The following NOL10 variants were observed in gnomAD, a reference collection of about 807,000 sequenced individuals.
NOL10 encodes H_NH0074G24.1.
In NOL10, 58 loss-of-function variants were observed where a neutral mutation model predicts 103.5. The observed-to-expected ratio is 0.56, with a 90% CI of 0.45 to 0.70. The LOEUF is 0.70. NOL10 is among the 30% of genes least tolerant of loss of function. The pLI is 0.00. For missense variants in NOL10, 763 were observed against 807.3 expected (o/e 0.95, Z 0.67); for synonymous variants, 287 against 282.5 (o/e 1.02, Z -0.16).
chr2:10,676,326 T>C (rs1177574133), intron 3 of NOL10, among the ~76,000 whole-genome samples: 1 of 152,180 alleles, frequency 6.6e-6, no homozygotes, highest in Non-Finnish European at 1.5e-5. Context: ...CTCACAGAAA[T>C]ATATCCACAA....
intron 1 of NOL10, among the ~76,000 whole-genome samples, 157 bp downstream of exon 1, chr2:10,689,639 T>TC (rs1277365543): frequency 6.6e-6 from 1 of 152,134 alleles, no homozygotes; most frequent in Non-Finnish European, 1.5e-5. Context: ...TGCCGACACC[T>TC]CCCCCGGAAA....
At position 10,683,325 on chromosome 2, in the gene NOL10, C is replaced by T. The variant is rs376451050; in HGVS notation, c.112+1242G>A. Among the ~76,000 whole-genome samples the T allele has an allele frequency of 1.3e-3, 203 of 152,224 alleles. 4 individuals carry two copies. The highest frequency in any genetic ancestry group is 4.1e-3 in the African/African-American group (169 of 41,520). ...AATTTTTCTTACAATTTCTTGCTGC[C>T]GTAAATTTAAAAGAACCAACATCTT... On this transcript the variant is annotated intron_variant, in intron 2 of 20. Coordinates refer to ENST00000381685, the MANE Select transcript of NOL10 (RefSeq NM_024894.4).
intron 11 of NOL10, among the ~76,000 whole-genome samples, chr2:10,654,967 T>C (rs1034590422): frequency 2.0e-5 from 3 of 152,038 alleles, no homozygotes; most frequent in Non-Finnish European, 4.4e-5. Context: ...ACCAGCACTT[T>C]GGGAGGCTGA....
At chr2:10,663,806 C>T (rs191689053) in intron 8 of NOL10, among the ~76,000 whole-genome samples, 2 of 151,734 alleles carry the variant, frequency 1.3e-5, no homozygotes, top group East Asian at 2.0e-4. Context: ...AAAAATTAGC[C>T]GGGCATGGTG....
intron 19 of NOL10, among the ~76,000 whole-genome samples, chr2:10,582,017 C>T (rs1490855675): frequency 6.6e-6 from 1 of 152,146 alleles, no homozygotes; most frequent in African/African-American, 2.4e-5. Context: ...TTAAGTGTTA[C>T]AATGATAACA....
chr2:10,584,572 G>C (rs1313002744), intron 19 of NOL10, among the ~76,000 whole-genome samples: 1 of 152,154 alleles, frequency 6.6e-6, no homozygotes, highest in Admixed American at 6.5e-5. Flanking sequence ...ATCTGATGTT[G>C]TCTCTTGTTG....
In NOL10 at chr2:10,597,643, T is replaced by C. The variant is rs545874064; in HGVS notation, c.1422+3210A>G. On this transcript the variant is annotated intron_variant, in intron 17 of 20. Coordinates refer to ENST00000381685, the MANE Select transcript of NOL10 (RefSeq NM_024894.4). Reference sequence around the variant, plus strand: ...ATTTTCAAAAGACCATATATAAATATTTCTGGAATGAAACTGAGCTCTGAT... The same window carrying C: ...ATTTTCAAAAGACCATATATAAATACTTCTGGAATGAAACTGAGCTCTGAT... 2.0e-5 allele frequency among the ~76,000 whole-genome samples: 3 copies of C among 152,344 alleles called. No homozygotes were observed. In the East Asian group the frequency reaches 5.8e-4, roughly 29 times the overall value.
chr2:10,663,007 C>T lies in NOL10; in HGVS notation c.629G>A (p.Arg210Lys), dbSNP rs772215740. 31 of 1,613,868 alleles carry T rather than the reference C, an allele frequency of 1.9e-5. No homozygotes were observed. In the Admixed American group the frequency reaches 3.8e-4, roughly 20 times the overall value. Residue 210 changes from arginine to lysine, a missense_variant, in exon 9 of 21, where the codon AGA becomes AAA. By Grantham distance (26) the Arg-to-Lys change is conservative. Coordinates refer to ENST00000381685, the MANE Select transcript of NOL10 (RefSeq NM_024894.4). ...VECWDPRTRN[R>K]VGLLDCALNS... Reference sequence around the variant, plus strand: ...TAAGGCGCAGTCTAACAGGCCAACTCTGTTTCGAGTTCTTGGGTCCCAGCA... The same window carrying T: ...TAAGGCGCAGTCTAACAGGCCAACTTTGTTTCGAGTTCTTGGGTCCCAGCA...
intron 13 of NOL10, among the ~76,000 whole-genome samples, chr2:10,619,680 CA>C (rs1677019108): frequency 6.6e-6 from 1 of 152,078 alleles, no homozygotes; most frequent in Non-Finnish European, 1.5e-5. Context: ...CTTCAATTCT[CA>C]AGGAAGAAAA....
chr2:10,685,907 A>G (rs951645959), intron 1 of NOL10, among the ~76,000 whole-genome samples: 1 of 94,142 alleles, frequency 1.1e-5, no homozygotes, highest in Non-Finnish European at 3.1e-5. Context: ...CTACAAAAAA[A>G]AAAAAGCAGC....
At chr2:10,652,972 G>A (rs985119219) in intron 12 of NOL10, among the ~76,000 whole-genome samples, 20 of 152,204 alleles carry the variant, frequency 1.3e-4, no homozygotes, top group African/African-American at 4.1e-4. Flanking sequence ...GAGGCAGGCG[G>A]ATCACTTGAG....
intron 13 of NOL10, among the ~76,000 whole-genome samples, chr2:10,617,745 T>C (rs1676908270): frequency 6.6e-6 from 1 of 152,078 alleles, no homozygotes; most frequent in Non-Finnish European, 1.5e-5. Flanking sequence ...GGTGAACAAA[T>C]GTGATAATAT....
chr2:10,664,769 C>CA (rs1304900227), intron 8 of NOL10, among the ~76,000 whole-genome samples: 1 of 152,198 alleles, frequency 6.6e-6, no homozygotes, highest in African/African-American at 2.4e-5. Flanking sequence ...CTCCTGGACT[C>CA]AAGCGTTCCA....
rs760696642 is a variant in NOL10 at position 10,663,041 on chromosome 2, T to C, written c.595A>G (p.Arg199Gly). The change falls in exon 9 of 21, where the codon AGA (arginine) becomes GGA (glycine). Residue 199 changes from arginine to glycine, a missense_variant. By Grantham distance (125) the Arg-to-Gly change is moderately radical. Coordinates refer to ENST00000381685, the MANE Select transcript of NOL10 (RefSeq NM_024894.4). ...GLFATGTIEG[R>G]VECWDPRTRN... ...GTTCTTGGGTCCCAGCACTCCACTC[T>C]ACCCTATGCAAATGAAAAACAATTT... The C allele has an allele frequency of 5.0e-6, 8 of 1,613,158 alleles. No homozygotes were observed. In the East Asian group the frequency reaches 1.8e-4, roughly 36 times the overall value.
At chr2:10,616,962 T>G (rs1251684742) in intron 13 of NOL10, among the ~76,000 whole-genome samples, 1 of 151,978 alleles carries the variant, frequency 6.6e-6, no homozygotes, top group African/African-American at 2.4e-5. Context: ...ATTCACTTAT[T>G]CAACAAAGAG....
intron 2 of NOL10, among the ~76,000 whole-genome samples, chr2:10,683,533 C>A (rs1459380537): frequency 3.9e-5 from 6 of 152,176 alleles, no homozygotes. Context: ...CCTCCTTGGA[C>A]CTGCATGCTT....
intron 13 of NOL10, chr2:10,622,183 G>C: frequency 2.1e-6 from 1 of 471,024 alleles, no homozygotes; most frequent in Non-Finnish European, 4.4e-6. Flanking sequence ...AGTTAACACA[G>C]GAAACTATGT....
At chr2:10,645,264 T>C (rs933472149) in intron 12 of NOL10, among the ~76,000 whole-genome samples, 6 of 152,160 alleles carry the variant, frequency 3.9e-5, no homozygotes, top group African/African-American at 1.4e-4. Context: ...ACAGATCAGC[T>C]AAATAAGAAT....
chr2:10,677,359 T>G (rs1183352911), intron 3 of NOL10, among the ~76,000 whole-genome samples: 4 of 151,890 alleles, frequency 2.6e-5, no homozygotes, highest in Admixed American at 2.6e-4. Flanking sequence ...AACAAAGACA[T>G]CTTAAAAATA....
Sources: allele counts gnomAD v4.1 joint callset (sites outside exome capture counted in the v4.1 genomes callset), GRCh38; gene constraint gnomAD v4.1.1; transcripts MANE v1.5; gene names NCBI Gene and HGNC (gene_info 2026-07-23, HGNC 2026-07-21).